Variants in UMPS observed in about 807,000 individuals in gnomAD.
The protein encoded by UMPS is uridine monophosphate synthetase.
In UMPS, 21 loss-of-function variants were observed where a neutral mutation model predicts 38.9. The ratio of observed to expected loss-of-function variants is 0.54; its 90% CI spans 0.38 to 0.78. The LOEUF is 0.78. Ranked by LOEUF, UMPS falls within the 30% of genes least tolerant of loss-of-function variation. The pLI, the probability that UMPS is intolerant of heterozygous loss-of-function variation, is 0.00. For synonymous variants in UMPS, 208 were observed against 219.3 expected (o/e 0.95, Z 0.45); for missense variants, 533 against 591.6 (o/e 0.90, Z 1.03).
rs142455443 is a variant in UMPS at position 124,741,387 on chromosome 3, C to T, written c.1159-765C>T. ...GAAGGGAAGTATGGGAGTCACGTCT[C>T]GGGGAAAGTACCTACCGAATCAGAA... is the stretch of plus-strand genomic sequence containing the variant. On this transcript the variant is annotated intron_variant, in intron 4 of 5. Coordinates refer to ENST00000232607, the MANE Select transcript of UMPS (RefSeq NM_000373.4). Among the ~76,000 whole-genome samples the T allele has an allele frequency of 2.8e-4, 42 of 152,204 alleles. No homozygotes were observed. In the East Asian group the frequency reaches 3.1e-3, roughly 11 times the overall value.
At position 124,745,433 on chromosome 3, in the gene UMPS, G is replaced by A. The variant is rs138112683; in HGVS notation, c.*1349G>A. Reference sequence around the variant, plus strand: ...GGCTGGAGTTCAGTGGCACGATCTCGGCTCACTGCAACTTCTGCCTCTCTG... The same window carrying A: ...GGCTGGAGTTCAGTGGCACGATCTCAGCTCACTGCAACTTCTGCCTCTCTG... On this transcript the variant is annotated 3_prime_UTR_variant, in exon 6 of 6. Coordinates refer to ENST00000232607, the MANE Select transcript of UMPS (RefSeq NM_000373.4). The A allele has an allele frequency of 3.0e-3, 1,373 of 453,294 alleles. 13 individuals are homozygous for A. Among genetic ancestry groups the A allele is most frequent in the African/African-American group, 0.024 (1,216 of 49,778 alleles). The allele number at this position is 453,294 out of a possible 1,614,324, so 28.1% of individuals were successfully genotyped here.
chr3:124,732,635 T>C (rs1321134395), intron 1 of UMPS: 2 of 154,700 alleles, frequency 1.3e-5, no homozygotes, highest in African/African-American at 4.8e-5. Flanking sequence ...TAGTCATATA[T>C]GGCCAGTGGC....
Position 124,744,346 on chromosome 3 carries a change from G to T in UMPS, c.*262G>T, listed in dbSNP as rs536168064. 1 of 536,824 alleles carries T rather than the reference G, an allele frequency of 1.9e-6. No individual in the cohort carries two copies. Among genetic ancestry groups the T allele is most frequent in the East Asian group, 4.6e-5 (1 of 21,594 alleles). The allele number at this position is 536,824 out of a possible 1,614,324, so 33.3% of individuals were successfully genotyped here. ...GTTAGACAGCCACAGTCCTGTCTGG[G>T]TTAGGGTCTTCCACATTTGAGGATC... On this transcript the variant is annotated 3_prime_UTR_variant, in exon 6 of 6. Coordinates refer to ENST00000232607, the MANE Select transcript of UMPS (RefSeq NM_000373.4).
In UMPS at chr3:124,744,129, A is replaced by G. The variant is rs1434932283; in HGVS notation, c.*45A>G. On this transcript the variant is annotated 3_prime_UTR_variant, in exon 6 of 6. Transcript: ENST00000232607. ...CAGATACAATGTGAAGACATTGAAG[A>G]TATGTGGTCCTCCTGAAAGTCACTG... The G allele has an allele frequency of 1.2e-6, 2 of 1,604,522 alleles. No individual in the cohort carries two copies. Among genetic ancestry groups the G allele is most frequent in the Non-Finnish European group, 1.7e-6 (2 of 1,172,568 alleles).
chr3:124,734,138 A>G (rs1448215715), intron 1 of UMPS, among the ~76,000 whole-genome samples: 1 of 152,196 alleles, frequency 6.6e-6, no homozygotes, highest in East Asian at 1.9e-4. Flanking sequence ...TAGTACTAGA[A>G]ATTACATTCT....
At chr3:124,740,755 G>A (rs1177129579) in intron 4 of UMPS, among the ~76,000 whole-genome samples, 1 of 152,032 alleles carries the variant, frequency 6.6e-6, no homozygotes, top group Non-Finnish European at 1.5e-5. Flanking sequence ...GCCAGGAGTT[G>A]GACGTCATAG....
rs754832921 is a variant in UMPS, at chr3:124,746,025, G to T, written c.*1941G>T. ...CCCAGGTGATGCTGCGGTTGCCTGC[G>T]CAGGGACTGGACTTTGAGAACCACT... On this transcript the variant is annotated 3_prime_UTR_variant, in exon 6 of 6. Transcript: ENST00000232607. 1 of 454,116 alleles carries T rather than the reference G, an allele frequency of 2.2e-6. No individual in the cohort carries two copies. Among genetic ancestry groups the T allele is most frequent in the Admixed American group, 2.3e-5 (1 of 42,580 alleles). 28.1% of individuals were successfully genotyped at this position (454,116 alleles called of 1,614,324 possible). A position where few individuals can be genotyped will look rare whatever the true frequency, so the allele number is the denominator to read the frequency against.
Position 124,737,780 on chromosome 3 carries a change from A to G in UMPS, c.523A>G (p.Thr175Ala). ...AHGIRLHSVC[T>A]LSKMLEILEQ... is the part of the protein sequence containing the mutation. The stretch of plus-strand genomic sequence containing the variant: ...CGGGATCCGCCTCCACTCAGTGTGT[A>G]CATTGTCCAAAATGCTGGAGATTCT... The change falls in exon 3 of 6, where the codon ACA (threonine) becomes GCA (alanine). Residue 175 changes from threonine to alanine, a missense_variant. Thr to Ala is a moderately conservative substitution (Grantham distance 58). Transcript: ENST00000232607. 2 of 1,614,194 alleles carry G rather than the reference A, an allele frequency of 1.2e-6. No homozygotes were observed. The highest frequency in any genetic ancestry group is 3.3e-5 in the Admixed American group (2 of 60,022).
At chr3:124,730,711 G>T in intron 1 of UMPS, 84 bp downstream of exon 1, 2 of 1,508,900 alleles carry the variant, frequency 1.3e-6, no homozygotes, top group Middle Eastern at 1.8e-4. Flanking sequence ...GAGTTGGGCC[G>T]TGAGTGAGAG....
chr3:124,744,276 A>G lies in UMPS; in HGVS notation c.*192A>G, dbSNP rs1312455015. The G allele has an allele frequency of 4.2e-6, 3 of 719,826 alleles. No individual in the cohort carries two copies. Among genetic ancestry groups the G allele is most frequent in the African/African-American group, 1.7e-5 (1 of 57,458 alleles). 44.6% of individuals were successfully genotyped at this position (719,826 alleles called of 1,614,324 possible). On this transcript the variant is annotated 3_prime_UTR_variant, in exon 6 of 6. Transcript: ENST00000232607. ...AATTTGTAATCACCGCATTGATACT[A>G]TAATAAGTTCATTCTTAAGCTTGCT...
intron 1 of UMPS, 63 bp downstream of exon 1, chr3:124,730,690 G>C (rs564673033): frequency 6.3e-7 from 1 of 1,580,564 alleles, no homozygotes; most frequent in African/African-American, 1.3e-5. Context: ...GGAAATGGAA[G>C]AGGGTGACAG....
rs749466618 is a variant in UMPS at position 124,747,769 on chromosome 3, C to G, written c.*3685C>G. 4.4e-6 allele frequency: 2 copies of G among 451,224 alleles called. No individual in the cohort carries two copies. Among genetic ancestry groups the G allele is most frequent in the Non-Finnish European group, 8.9e-6 (2 of 224,338 alleles). The allele number at this position is 451,224 out of a possible 1,614,324, so 28.0% of individuals were successfully genotyped here. ...AAACTGGGCTCCACCAGGAACCAGTCTTCTGCCTTCCCAACCATCACCTCT... is the reference window on the plus strand; with the variant it reads ...AAACTGGGCTCCACCAGGAACCAGTGTTCTGCCTTCCCAACCATCACCTCT... On this transcript the variant is annotated 3_prime_UTR_variant, in exon 6 of 6. Transcript: ENST00000232607.
At position 124,744,093 on chromosome 3, in the gene UMPS, G is replaced by T; in HGVS notation, c.*9G>T. The T allele has an allele frequency of 1.9e-6, 3 of 1,613,878 alleles. No homozygotes were observed. The highest frequency in any genetic ancestry group is 1.3e-5 in the African/African-American group (1 of 75,024). ...GTAGACTTGGTGTTTGAGTGCTTCA[G>T]ATACATTTTTCAGATACAATGTGAA... On this transcript the variant is annotated 3_prime_UTR_variant, in exon 6 of 6. Coordinates refer to ENST00000232607, the MANE Select transcript of UMPS (RefSeq NM_000373.4).
rs1182630619 is a variant in UMPS, at chr3:124,747,702, T to C, written c.*3618T>C. 4.4e-6 allele frequency: 2 copies of C among 453,816 alleles called. No individual in the cohort carries two copies. The highest frequency in any genetic ancestry group is 3.1e-5 in the South Asian group (2 of 64,476). The allele number at this position is 453,816 out of a possible 1,614,324, so 28.1% of individuals were successfully genotyped here. A position where few individuals can be genotyped will look rare whatever the true frequency, so the allele number is the denominator to read the frequency against. ...AATATCTAGCTAAATACATTTAACTTGCTGCAGCTCTCTGGATCCAGCCTG... is the reference window on the plus strand; with the variant it reads ...AATATCTAGCTAAATACATTTAACTCGCTGCAGCTCTCTGGATCCAGCCTG... On this transcript the variant is annotated 3_prime_UTR_variant, in exon 6 of 6. Transcript: ENST00000232607.
chr3:124,733,820 G>A (rs939692479), intron 1 of UMPS: 6 of 152,184 alleles, frequency 3.9e-5, no homozygotes, highest in African/African-American at 1.2e-4. Context: ...ATGGTCATGG[G>A]AAATTTTTTT....
chr3:124,739,362 T>C (rs2063540424), intron 3 of UMPS, among the ~76,000 whole-genome samples: 1 of 152,148 alleles, frequency 6.6e-6, no homozygotes, highest in Admixed American at 6.5e-5. Context: ...GATGGGGTCT[T>C]GCTCTGTCGC....
Position 124,744,807 on chromosome 3 carries a change from A to G in UMPS, c.*723A>G, listed in dbSNP as rs1174701439. On this transcript the variant is annotated 3_prime_UTR_variant, in exon 6 of 6. Transcript: ENST00000232607. The stretch of plus-strand genomic sequence containing the variant: ...CTCTGTCTAATGTGTTGCCCAAATA[A>G]TACCTAATTGTTAGCCATTCCCCTC... 2.2e-6 allele frequency: 1 copy of G among 454,088 alleles called. No homozygotes were observed. Among genetic ancestry groups the G allele is most frequent in the South Asian group, 1.6e-5 (1 of 64,472 alleles). 28.1% of individuals were successfully genotyped at this position (454,088 alleles called of 1,614,324 possible). A position where few individuals can be genotyped will look rare whatever the true frequency, so the allele number is the denominator to read the frequency against.
rs1169183544 is a variant in UMPS at position 124,745,454 on chromosome 3, C to G, written c.*1370C>G. 2.2e-6 allele frequency: 1 copy of G among 453,724 alleles called. No homozygotes were observed. The highest frequency in any genetic ancestry group is 4.4e-6 in the Non-Finnish European group (1 of 226,726). 28.1% of individuals were successfully genotyped at this position (453,724 alleles called of 1,614,324 possible). On this transcript the variant is annotated 3_prime_UTR_variant, in exon 6 of 6. Coordinates refer to ENST00000232607, the MANE Select transcript of UMPS (RefSeq NM_000373.4). ...TCTCGGCTCACTGCAACTTCTGCCTCTCTGGTTCAAGCAGTTCTCCTGCCT... is the reference window on the plus strand; with the variant it reads ...TCTCGGCTCACTGCAACTTCTGCCTGTCTGGTTCAAGCAGTTCTCCTGCCT...
Position 124,735,168 on chromosome 3 carries a change from G to A in UMPS, c.232G>A (p.Ala78Thr). The A allele has an allele frequency of 6.2e-7, 1 of 1,614,150 alleles. No homozygotes were observed. Among genetic ancestry groups the A allele is most frequent in the Non-Finnish European group, 8.5e-7 (1 of 1,180,006 alleles). The change falls in exon 2 of 6, where the codon GCT (alanine) becomes ACT (threonine). Residue 78 changes from alanine to threonine, a missense_variant. Transcript: ENST00000232607. ...CACCGTGTGTGGAGTGCCTTATACA[G>A]CTTTGCCATTGGCTACAGTTATCTG... is the stretch of plus-strand genomic sequence containing the variant. The part of the protein sequence containing the change: ...FDTVCGVPYT[A>T]LPLATVICST...
Sources: gnomAD v4.1 joint callset for allele counts (sites outside exome capture counted in the v4.1 genomes callset) on GRCh38, gnomAD v4.1.1 for gene constraint, MANE v1.5 for transcripts, NCBI Gene and HGNC (gene_info 2026-07-23, HGNC 2026-07-21) for gene names.